The following CACNA1B variants were observed in gnomAD, a reference collection of about 807,000 sequenced individuals.
The protein encoded by CACNA1B is calcium voltage-gated channel subunit alpha1 B.
CACNA1B carries 70 observed loss-of-function variants against 247.2 expected under a neutral mutation model. The ratio of observed to expected loss-of-function variants is 0.28; its 90% confidence interval spans 0.23 to 0.35. CACNA1B has a LOEUF of 0.35. Among genes scored for constraint, CACNA1B ranks in the 10% least tolerant of loss-of-function variants. The pLI, the probability that CACNA1B is intolerant of heterozygous loss-of-function variation, is 1.00. For missense variants in CACNA1B, 2,367 were observed against 3,197.4 expected (o/e 0.74, Z 6.26); for synonymous variants, 1,231 against 1,294.4 (o/e 0.95, Z 1.05).
At chr9:138,069,486 T>C (rs528275397) in intron 31 of CACNA1B, among the ~76,000 whole-genome samples, 1 of 151,960 alleles carries the variant, frequency 6.6e-6, no homozygotes, top group African/African-American at 2.4e-5. Context: ...TGATCTGATA[T>C]ATTTTAAGAA....
chr9:137,895,340 T>C (rs1316018507), intron 3 of CACNA1B, among the ~76,000 whole-genome samples: 2 of 152,246 alleles, frequency 1.3e-5, no homozygotes, highest in East Asian at 1.9e-4. Context: ...TTGCCTTTCA[T>C]ATACATTTTA....
In CACNA1B at chr9:138,069,076, G is replaced by GCCACTCTTGCTCCTGGAGC. The variant is rs1209549853; in HGVS notation, c.4669-678_4669-660dup. The stretch of plus-strand genomic sequence containing the variant: ...GGTTGGAAAGCTCAGCTGTCCCCTG[G>GCCACTCTTGCTCCTGGAGC]CCACTCTTGCTCCTGGAGCCCAGGT... On this transcript the variant is annotated intron_variant, in intron 31 of 46. Transcript: ENST00000371372. 2.6e-5 allele frequency among the ~76,000 whole-genome samples: 4 copies of GCCACTCTTGCTCCTGGAGC among 152,224 alleles called. No individual in the cohort carries two copies. The East Asian group carries it at 5.8e-4, about 22-fold the overall frequency.
intron 18 of CACNA1B, among the ~76,000 whole-genome samples, chr9:138,016,589 C>T (rs571271324): frequency 1.3e-5 from 2 of 152,286 alleles, no homozygotes; most frequent in South Asian, 2.1e-4. Context: ...AGGGACCAGG[C>T]GGCATCTCCG....
chr9:138,043,345 C>T (rs1053960527), intron 20 of CACNA1B, among the ~76,000 whole-genome samples: 4 of 152,176 alleles, frequency 2.6e-5, no homozygotes, highest in South Asian at 2.1e-4. Context: ...GACTGGACAA[C>T]GAGGTACAGG....
intron 3 of CACNA1B, among the ~76,000 whole-genome samples, chr9:137,907,064 G>C (rs916941438): frequency 8.5e-5 from 13 of 152,176 alleles, no homozygotes; most frequent in Non-Finnish European, 1.8e-4. Context: ...AGGGCACGTG[G>C]GTGTGTGGGC....
intron 10 of CACNA1B, among the ~76,000 whole-genome samples, chr9:137,962,751 T>G (rs2133353843): frequency 6.6e-6 from 1 of 152,272 alleles, no homozygotes; most frequent in Admixed American, 6.5e-5. Flanking sequence ...TCTTAGAGAC[T>G]GTTATTATTT....
intron 6 of CACNA1B, among the ~76,000 whole-genome samples, chr9:137,939,758 A>T (rs1442395759): frequency 1.3e-5 from 2 of 151,704 alleles, no homozygotes; most frequent in African/African-American, 4.8e-5. Context: ...AGCTGAGATC[A>T]CGCCACTGCA....
At chr9:137,962,868 G>A (rs771937225) in intron 10 of CACNA1B, among the ~76,000 whole-genome samples, 1 of 152,188 alleles carries the variant, frequency 6.6e-6, no homozygotes, top group Non-Finnish European at 1.5e-5. Context: ...TTGTCTTTGG[G>A]TGGAGAGTTC....
intron 39 of CACNA1B, among the ~76,000 whole-genome samples, chr9:138,106,338 C>G (rs986215046): frequency 2.6e-5 from 4 of 151,956 alleles, no homozygotes; most frequent in African/African-American, 9.7e-5. Flanking sequence ...CCCCCTGCGT[C>G]TGCCCCATCT....
At position 138,078,275 on chromosome 9, in the gene CACNA1B, G is replaced by A. The variant is rs755732084; in HGVS notation, c.5094+17G>A. 7 of 1,612,552 alleles carry A rather than the reference G, an allele frequency of 4.3e-6. No homozygotes were observed. Among genetic ancestry groups the A allele is most frequent in the Non-Finnish European group, 5.1e-6 (6 of 1,178,956 alleles). On this transcript the variant is annotated intron_variant, in intron 36 of 46. Coordinates refer to ENST00000371372, the MANE Select transcript of CACNA1B (RefSeq NM_000718.4). ...TCCTTTCTGGTGAGTCCTGGGCACT[G>A]TGCCCCTCCCAGTGCCACGTCTTGT...
chr9:137,991,331 T>C (rs1223895091), intron 15 of CACNA1B, among the ~76,000 whole-genome samples: 2 of 152,142 alleles, frequency 1.3e-5, no homozygotes, highest in East Asian at 3.9e-4. Flanking sequence ...AAGAAAGAAC[T>C]TCAGAGCTCA....
intron 37 of CACNA1B, 142 bp downstream of exon 37, chr9:138,096,753 T>C (rs1194549678): frequency 1.7e-5 from 12 of 698,710 alleles, no homozygotes; most frequent in African/African-American, 1.6e-4. Flanking sequence ...TCCTGTTTCG[T>C]GTAGAGCAGC....
intron 15 of CACNA1B, among the ~76,000 whole-genome samples, chr9:138,001,520 AG>A (rs1958577752): frequency 6.6e-6 from 1 of 152,186 alleles, no homozygotes; most frequent in South Asian, 2.1e-4. Flanking sequence ...GTAAAAGATT[AG>A]AAGTATTGTT....
intron 15 of CACNA1B, among the ~76,000 whole-genome samples, chr9:137,994,723 A>G (rs1022605913): frequency 2.0e-5 from 3 of 152,230 alleles, no homozygotes; most frequent in Non-Finnish European, 4.4e-5. Context: ...GACACAAACA[A>G]ATGGAAACAC....
rs556157222 is a variant in CACNA1B, at chr9:138,119,627, C to T, written c.6031-538C>T. The stretch of plus-strand genomic sequence containing the variant: ...AGGGTTTTCTCCTCTTCCCACCTGT[C>T]CTTCCTCTCTTGTCTCTTTCCCCGC... On this transcript the variant is annotated intron_variant, in intron 44 of 46. Transcript: ENST00000371372. Among the ~76,000 whole-genome samples the T allele has an allele frequency of 2.0e-5, 3 of 152,302 alleles. No homozygotes were observed. The East Asian group carries it at 5.8e-4, about 29-fold the overall frequency.
At chr9:138,066,394 T>A (rs1465393583) in intron 31 of CACNA1B, among the ~76,000 whole-genome samples, 1 of 151,814 alleles carries the variant, frequency 6.6e-6, no homozygotes, top group Non-Finnish European at 1.5e-5. Context: ...CTGCAGTGAG[T>A]TATGATTGTA....
Position 138,012,224 on chromosome 9 carries a change from C to T in CACNA1B, c.2161-905C>T, listed in dbSNP as rs1347622369. ...GGGAAATGGGGACAGACATGGTCTG[C>T]TGGCTCCAGGCAGAAAAGCTCAAAG... is the stretch of plus-strand genomic sequence containing the variant. On this transcript the variant is annotated intron_variant, in intron 17 of 46. Transcript: ENST00000371372. The surrounding 1 kb of genome is among the most constrained non-coding windows in gnomAD (Gnocchi z 4.2). 6.6e-6 allele frequency among the ~76,000 whole-genome samples: 1 copy of T among 152,242 alleles called. No homozygotes were observed. The highest frequency in any genetic ancestry group is 2.4e-5 in the African/African-American group (1 of 41,476).
At chr9:137,906,788 T>C (rs889118433) in intron 3 of CACNA1B, among the ~76,000 whole-genome samples, 9 of 151,880 alleles carry the variant, frequency 5.9e-5, no homozygotes, top group African/African-American at 2.2e-4. Flanking sequence ...TATGTATTCC[T>C]CTGCATGCCA....
chr9:138,057,402 T>C lies in CACNA1B; in HGVS notation c.3969-330T>C, dbSNP rs1959550651. ...GATTTGATGCGGCCTGATTTATCTGTATTTTTTATTCTGTTGCTCATGATT... is the reference window on the plus strand; with the variant it reads ...GATTTGATGCGGCCTGATTTATCTGCATTTTTTATTCTGTTGCTCATGATT... On this transcript the variant is annotated intron_variant, in intron 26 of 46. Transcript: ENST00000371372. This position sits in a 1 kb window ranked among gnomAD's most constrained non-coding sequence, Gnocchi z 4.0. Among the ~76,000 whole-genome samples, 1 of 152,240 alleles carries C rather than the reference T, an allele frequency of 6.6e-6. No homozygotes were observed. The highest frequency in any genetic ancestry group is 1.5e-5 in the Non-Finnish European group (1 of 68,048).
Sources: gnomAD v4.1 joint callset for allele counts (sites outside exome capture counted in the v4.1 genomes callset) on GRCh38, gnomAD v4.1.1 for gene constraint, Gnocchi (gnomAD v3.1) non-coding constraint, MANE v1.5 for transcripts, NCBI Gene and HGNC (gene_info 2026-07-23, HGNC 2026-07-21) for gene names.